The following DUSP22 variants were observed in gnomAD, a reference collection of about 807,000 sequenced individuals.
The protein encoded by DUSP22 is dual specificity protein phosphatase 22.
DUSP22 carries 24 observed loss-of-function variants against 24.5 expected under a neutral mutation model. That is an observed-to-expected ratio of 0.98 (90% CI 0.71 to 1.38). The LOEUF is 1.38. Among genes scored for constraint, DUSP22 ranks in the 40% most tolerant of loss-of-function variants. The pLI is 0.00. For synonymous variants in DUSP22, 160 were observed against 106.4 expected (o/e 1.50, Z -3.10); for missense variants, 330 against 269.2 (o/e 1.23, Z -1.58).
intron 1 of DUSP22, among the ~76,000 whole-genome samples, chr6:304,260 G>A (rs1340604632): frequency 6.6e-6 from 1 of 152,414 alleles, no homozygotes; most frequent in African/African-American, 2.4e-5. Context: ...CGCCTGCAGT[G>A]GGCACCGTGT....
chr6:306,706 T>A (rs993819803), intron 2 of DUSP22, among the ~76,000 whole-genome samples: 3 of 152,308 alleles, frequency 2.0e-5, no homozygotes, highest in African/African-American at 7.2e-5. Context: ...TCCCCAATTG[T>A]GCTGTGAATT....
chr6:303,034 A>C (rs1204540773), intron 1 of DUSP22, among the ~76,000 whole-genome samples: 3 of 152,412 alleles, frequency 2.0e-5, no homozygotes, highest in Non-Finnish European at 4.4e-5. Flanking sequence ...GAGGAACCTG[A>C]CTAAAGTTTG....
intron 2 of DUSP22, among the ~76,000 whole-genome samples, chr6:310,791 G>GA (rs1311080872): frequency 2.0e-5 from 3 of 152,296 alleles, no homozygotes; most frequent in Admixed American, 2.0e-4. Flanking sequence ...CTGACCTAAG[G>GA]TCATCTCTTA....
chr6:315,300 G>T (rs1307614874), intron 3 of DUSP22, among the ~76,000 whole-genome samples: 1 of 152,296 alleles, frequency 6.6e-6, no homozygotes, highest in Non-Finnish European at 1.5e-5. Flanking sequence ...ACTGCTCTCT[G>T]TCGGAGACAG....
rs547848026 is a variant in DUSP22, at chr6:342,462, C to A, written c.189-3392C>A. ...TCAGCTGCCCCAGCCTGTGCACTGG[C>A]CTGTCTACTGCAGCCTGCAAGGAGG... On this transcript the variant is annotated intron_variant, in intron 4 of 6. Transcript: ENST00000419235. 1.1e-4 allele frequency among the ~76,000 whole-genome samples: 17 copies of A among 152,424 alleles called. No homozygotes were observed. The East Asian group carries it at 2.9e-3, about 26-fold the overall frequency.
chr6:335,664 C>G (rs1418151145), intron 4 of DUSP22, among the ~76,000 whole-genome samples: 2 of 152,300 alleles, frequency 1.3e-5, no homozygotes, highest in East Asian at 1.9e-4. Context: ...GATATGTACT[C>G]AATATAAAAA....
intron 4 of DUSP22, among the ~76,000 whole-genome samples, chr6:338,444 C>T (rs564588674): frequency 9.5e-4 from 145 of 152,394 alleles, no homozygotes; most frequent in Admixed American, 2.5e-3. Flanking sequence ...CTACCTCTCT[C>T]GGGGTATTTA....
rs1208115531 is a variant in DUSP22 at position 350,808 on chromosome 6, T to G, written c.*1857T>G. On this transcript the variant is annotated 3_prime_UTR_variant, in exon 7 of 7. Coordinates refer to ENST00000419235, the MANE Select transcript of DUSP22 (RefSeq NM_001286555.3). ...GTTTTAATATTTGTTGCCAGTAATG[T>G]TCTTTCTTCACAGCCGCTCCGGGAA... 6.2e-7 allele frequency: 1 copy of G among 1,614,272 alleles called. No individual in the cohort carries two copies. Among genetic ancestry groups the G allele is most frequent in the Admixed American group, 1.7e-5 (1 of 60,038 alleles).
intron 1 of DUSP22, among the ~76,000 whole-genome samples, chr6:296,908 C>G (rs1056995230): frequency 6.6e-6 from 1 of 152,308 alleles, no homozygotes; most frequent in South Asian, 2.1e-4. Flanking sequence ...GTCTTGTGGC[C>G]TCTTCCTTCC....
chr6:338,906 C>T (rs1346212642), intron 4 of DUSP22, among the ~76,000 whole-genome samples: 5 of 152,300 alleles, frequency 3.3e-5, no homozygotes, highest in African/African-American at 1.2e-4. Context: ...TGCAGACTGC[C>T]CGGAAAGGTC....
intron 1 of DUSP22, among the ~76,000 whole-genome samples, chr6:301,119 A>G (rs532560389): frequency 3.0e-3 from 457 of 152,280 alleles, no homozygotes; most frequent in African/African-American, 0.011. Context: ...CAGCTTCTAT[A>G]CTAACAGCTG....
At chr6:348,412 C>G (rs1182240862) in intron 6 of DUSP22, 138 bp downstream of exon 6, 1 of 1,385,892 alleles carries the variant, frequency 7.2e-7, no homozygotes, top group Non-Finnish European at 9.8e-7. Context: ...GGGCGCCCAG[C>G]TGCACCCCTT....
intron 5 of DUSP22, among the ~76,000 whole-genome samples, chr6:346,171 A>G (rs1213682806): frequency 6.6e-6 from 1 of 152,290 alleles, no homozygotes; most frequent in Non-Finnish European, 1.5e-5. Context: ...GGATTTCTGT[A>G]GGGACCGTGA....
Position 350,496 on chromosome 6 carries a change from G to C in DUSP22, c.*1545G>C, listed in dbSNP as rs9505. On this transcript the variant is annotated 3_prime_UTR_variant, in exon 7 of 7. Transcript: ENST00000419235. ...CCTGAATAAGAAGAGCAGTTTTCCTGTGCATATAGAGGGTGTGTCAAAGGT... is the reference window on the plus strand; with the variant it reads ...CCTGAATAAGAAGAGCAGTTTTCCTCTGCATATAGAGGGTGTGTCAAAGGT... The C allele has an allele frequency of 8.9e-7, 1 of 1,123,972 alleles. No individual in the cohort carries two copies. The highest frequency in any genetic ancestry group is 1.6e-5 in the African/African-American group (1 of 63,526). The allele number at this position is 1,123,972 out of a possible 1,614,324, so 69.6% of individuals were successfully genotyped here.
At chr6:340,518 CAAGCAAAAACTTTTTTTTCT>C (rs1759561237) in intron 4 of DUSP22, among the ~76,000 whole-genome samples, 1 of 152,306 alleles carries the variant, frequency 6.6e-6, no homozygotes, top group Non-Finnish European at 1.5e-5. Flanking sequence ...TATTAGAAAA[CAAGCAAAAACTTTTTTTTCT>C]AAGCAAAAAC....
At chr6:318,255 C>T (rs1043685087) in intron 3 of DUSP22, among the ~76,000 whole-genome samples, 1 of 152,306 alleles carries the variant, frequency 6.6e-6, no homozygotes, top group African/African-American at 2.4e-5. Flanking sequence ...ATCCAAGACA[C>T]AGACAGTGAC....
intron 3 of DUSP22, among the ~76,000 whole-genome samples, chr6:327,425 A>G (rs1758931710): frequency 6.6e-6 from 1 of 152,304 alleles, no homozygotes; most frequent in Non-Finnish European, 1.5e-5. Context: ...GTCAGGGCGC[A>G]TTGGGTTGGT....
Position 351,216 on chromosome 6 carries a change from C to T in DUSP22, c.*2265C>T. 3.2e-6 allele frequency: 1 copy of T among 309,700 alleles called. No individual in the cohort carries two copies. Among genetic ancestry groups the T allele is most frequent in the Non-Finnish European group, 6.0e-6 (1 of 167,032 alleles). 19.2% of individuals were successfully genotyped at this position (309,700 alleles called of 1,614,324 possible). On this transcript the variant is annotated 3_prime_UTR_variant, in exon 7 of 7. Transcript: ENST00000419235. ...GCCCAGTGTAGTTGTGTGGCGTGAA[C>T]TCTGCCCGTGTGTTCTCAAATTCCC...
At chr6:303,117 C>T (rs1007234934) in intron 1 of DUSP22, among the ~76,000 whole-genome samples, 1 of 152,302 alleles carries the variant, frequency 6.6e-6, no homozygotes. Flanking sequence ...TCTACTGCCA[C>T]ATCCTAAAAA....
Sources: gnomAD v4.1 joint callset for allele counts (sites outside exome capture counted in the v4.1 genomes callset) on GRCh38, gnomAD v4.1.1 for gene constraint, MANE v1.5 for transcripts, NCBI Gene and HGNC (gene_info 2026-07-23, HGNC 2026-07-21) for gene names.